ST6GAL2: variants seen among roughly 807,000 people sequenced by gnomAD.
ST6GAL2 encodes the protein beta-galactoside alpha-2,6-sialyltransferase 2.
A neutral mutation model predicts 37.5 loss-of-function variants in ST6GAL2; 24 were observed. The ratio of observed to expected loss-of-function variants is 0.64; its 90% CI spans 0.46 to 0.90. The LOEUF is 0.90. Among genes scored for constraint, ST6GAL2 ranks in the 40% least tolerant of loss-of-function variants. The pLI, the probability that ST6GAL2 is intolerant of heterozygous loss-of-function variation, is 0.00. For synonymous variants in ST6GAL2, 306 were observed against 295.1 expected, an observed-to-expected ratio of 1.04 and a Z score of -0.38; for missense variants, 715 against 712.7, an observed-to-expected ratio of 1.00 and a Z score of -0.04.
intron 1 of ST6GAL2, among the ~76,000 whole-genome samples, chr2:106,875,821 G>C (rs1390256632): frequency 6.6e-6 from 1 of 152,150 alleles, no homozygotes; most frequent in Non-Finnish European, 1.5e-5. Flanking sequence ...TTATAATTGG[G>C]ATAGAAATAT....
At chr2:106,827,263 T>C (rs572580468) in intron 5 of ST6GAL2, among the ~76,000 whole-genome samples, 2 of 152,188 alleles carry the variant, frequency 1.3e-5, no homozygotes, top group African/African-American at 4.8e-5. Flanking sequence ...GTGACATCAT[T>C]TTACTGCTAT....
intron 1 of ST6GAL2, among the ~76,000 whole-genome samples, chr2:106,884,088 A>T (rs1336660481): frequency 1.3e-5 from 2 of 151,838 alleles, no homozygotes; most frequent in East Asian, 3.9e-4. Flanking sequence ...AGAGCCTCAC[A>T]CACTGAAATC....
intron 5 of ST6GAL2, among the ~76,000 whole-genome samples, chr2:106,826,934 G>A (rs1418675265): frequency 1.3e-5 from 2 of 152,264 alleles, no homozygotes; most frequent in African/African-American, 2.4e-5. Flanking sequence ...CAGAACAATC[G>A]GAGGCCAGGG....
chr2:106,885,638 G>C (rs1405330941), intron 1 of ST6GAL2, among the ~76,000 whole-genome samples: 1 of 152,116 alleles, frequency 6.6e-6, no homozygotes, highest in Non-Finnish European at 1.5e-5. Flanking sequence ...ACCGCGGAAA[G>C]TAAACCCAAA....
intron 2 of ST6GAL2, among the ~76,000 whole-genome samples, chr2:106,835,558 G>A (rs1281692811): frequency 6.6e-6 from 1 of 152,174 alleles, no homozygotes; most frequent in Non-Finnish European, 1.5e-5. Flanking sequence ...TCAAAACCCT[G>A]CAATGTTCTT....
At position 106,819,110 on chromosome 2, in the gene ST6GAL2, CA is replaced by C. The variant is rs538382507; in HGVS notation, c.1318+10955del. On this transcript the variant is annotated intron_variant, in intron 5 of 5. Transcript: ENST00000409382. ...ACCTGCAGGATCTAGAAAATAGCCT[CA>C]AAAGGACAAACCTAAGAGCTATTTG... Among the ~76,000 whole-genome samples, 30 of 152,056 alleles carry C rather than the reference CA, an allele frequency of 2.0e-4. No individual in the cohort carries two copies. The South Asian group carries it at 3.7e-3, about 19-fold the overall frequency.
Position 106,843,204 on chromosome 2 carries a change from G to T in ST6GAL2, c.774C>A (p.Arg258=), listed in dbSNP as rs1274832202. The change falls in exon 2 of 6, where the codon CGC becomes CGA. Residue 258 remains arginine, a synonymous_variant. Coordinates refer to ENST00000409382, the MANE Select transcript of ST6GAL2 (RefSeq NM_001142351.2). Reference sequence around the variant, plus strand: ...TGCCGTCCAGCGTCCGCACGCGCGCGCGGCTCCGCAGCTGGCACAGCAGCT... The same window carrying T: ...TGCCGTCCAGCGTCCGCACGCGCGCTCGGCTCCGCAGCTGGCACAGCAGCT... ...RAQLLCQLRS[R]ARVRTLDGTE... is the part of the protein sequence containing the mutation. The T allele has an allele frequency of 4.5e-6, 7 of 1,551,832 alleles. No individual in the cohort carries two copies. In the African/African-American group the frequency reaches 8.2e-5, roughly 18 times the overall value.
At chr2:106,859,850 AC>A (rs1677727459) in intron 1 of ST6GAL2, among the ~76,000 whole-genome samples, 1 of 151,592 alleles carries the variant, frequency 6.6e-6, no homozygotes, top group Non-Finnish European at 1.5e-5. Flanking sequence ...CCTGTGCTCA[AC>A]CCTCCATTAT....
In ST6GAL2 at chr2:106,843,853, G is replaced by C. The variant is rs746070116; in HGVS notation, c.125C>G (p.Ser42Cys). Residue 42 changes from serine (S) to cysteine (C), a missense_variant, in exon 2 of 6, where the codon TCC becomes TGC. Coordinates refer to ENST00000409382, the MANE Select transcript of ST6GAL2 (RefSeq NM_001142351.2). ...CCTCCTGGTCTCCAGGAAGGAGAGG[G>C]AGCTGGGTACAGGCTCAGCGGGGTT... The part of the protein sequence containing the change: ...DSNPAEPVPS[S>C]LSFLETRRLL... The C allele has an allele frequency of 3.1e-6, 5 of 1,612,100 alleles. No homozygotes were observed. Among genetic ancestry groups the C allele is most frequent in the Admixed American group, 1.7e-5 (1 of 60,024 alleles).
chr2:106,821,336 T>C (rs1675996077), intron 5 of ST6GAL2, among the ~76,000 whole-genome samples: 1 of 151,178 alleles, frequency 6.6e-6, no homozygotes, highest in Admixed American at 6.6e-5. Context: ...ATCCAAAGGG[T>C]CATTAGAGGC....
At position 106,805,724 on chromosome 2, in the gene ST6GAL2, A is replaced by C. The variant is rs1285489198; in HGVS notation, c.*954T>G. On this transcript the variant is annotated 3_prime_UTR_variant, in exon 6 of 6. Transcript: ENST00000409382. ...CCTAGAAGCACAGGGTGATGGCTCC[A>C]AAATCTTTCCTTCTAGTTTGGAAGG... The C allele has an allele frequency of 6.6e-6, 1 of 152,266 alleles. No homozygotes were observed. The highest frequency in any genetic ancestry group is 1.5e-5 in the Non-Finnish European group (1 of 68,060). The allele number at this position is 152,266 out of a possible 1,614,324, so 9.4% of individuals were successfully genotyped here.
In ST6GAL2 at chr2:106,883,860, A is replaced by G. The variant is rs370373362; in HGVS notation, c.-58+2233T>C. ...GATATTTTTATTCAAAGTCTCACCC[A>G]TGAGGTAGCAATCTGCAAACTAATT... On this transcript the variant is annotated intron_variant, in intron 1 of 5. Transcript: ENST00000409382. Among the ~76,000 whole-genome samples the G allele has an allele frequency of 1.2e-4, 19 of 152,332 alleles. No individual in the cohort carries two copies. In the East Asian group the frequency reaches 2.9e-3, roughly 23 times the overall value.
chr2:106,816,868 C>T (rs1415221934), intron 5 of ST6GAL2, among the ~76,000 whole-genome samples: 1 of 152,128 alleles, frequency 6.6e-6, no homozygotes, highest in African/African-American at 2.4e-5. Flanking sequence ...CACCGTGCCT[C>T]CTCCATCCCC....
intron 5 of ST6GAL2, among the ~76,000 whole-genome samples, chr2:106,827,484 A>C (rs1023194345): frequency 6.6e-6 from 1 of 152,146 alleles, no homozygotes; most frequent in African/African-American, 2.4e-5. Flanking sequence ...AAGGGCCACA[A>C]ATAAATTTAA....
chr2:106,875,170 G>GTTTTT (rs1573320397), intron 1 of ST6GAL2, among the ~76,000 whole-genome samples: 3 of 137,340 alleles, frequency 2.2e-5, no homozygotes, highest in African/African-American at 2.7e-5. Flanking sequence ...TACTTTTTTT[G>GTTTTT]TTTCTTTTTT....
chr2:106,850,214 G>A (rs907999646), intron 1 of ST6GAL2, among the ~76,000 whole-genome samples: 18 of 152,150 alleles, frequency 1.2e-4, no homozygotes, highest in African/African-American at 3.6e-4. Context: ...AGAATGAGAG[G>A]ATGTCAGAGG....
At chr2:106,884,601 A>T (rs1477920833) in intron 1 of ST6GAL2, among the ~76,000 whole-genome samples, 1 of 152,106 alleles carries the variant, frequency 6.6e-6, no homozygotes, top group Non-Finnish European at 1.5e-5. Context: ...CCAAGCAAAA[A>T]TGTAAGATGC....
chr2:106,816,630 T>C (rs1288648631), intron 5 of ST6GAL2, among the ~76,000 whole-genome samples: 4 of 152,124 alleles, frequency 2.6e-5, no homozygotes, highest in Non-Finnish European at 4.4e-5. Context: ...ACACATTAGT[T>C]TTAAAACCTT....
chr2:106,853,703 G>A (rs1677464886), intron 1 of ST6GAL2, among the ~76,000 whole-genome samples: 1 of 152,204 alleles, frequency 6.6e-6, no homozygotes, highest in Non-Finnish European at 1.5e-5. Flanking sequence ...CATTCCAGCA[G>A]TACAGGGTTT....
Sources: allele counts gnomAD v4.1 joint callset (sites outside exome capture counted in the v4.1 genomes callset), GRCh38; gene constraint gnomAD v4.1.1; transcripts MANE v1.5; gene names NCBI Gene and HGNC (gene_info 2026-07-23, HGNC 2026-07-21).